FLAD1: variants seen among roughly 807,000 people sequenced by gnomAD.
FLAD1 encodes the protein bifunctional FAD diphosphatase/FAD synthase.
Under a neutral mutation model 55.0 loss-of-function variants are expected in FLAD1, and 35 were observed. That is an observed-to-expected ratio of 0.64 (90% CI 0.49 to 0.84). The LOEUF (loss-of-function observed/expected upper bound fraction) is 0.84, where lower values mean the gene tolerates loss of function less well. FLAD1 is among the 40% of genes least tolerant of loss of function. FLAD1 has a pLI of 0.00. For missense variants in FLAD1, 665 were observed against 742.6 expected (o/e 0.90, Z 1.21); for synonymous variants, 267 against 303.0 (o/e 0.88, Z 1.23).
chr1:154,992,950 G>C lies in FLAD1; in HGVS notation c.1677G>C (p.Leu559=). Residue 559 remains leucine (L), a synonymous_variant, in exon 7 of 7, where the codon CTG becomes CTC. Transcript: ENST00000292180. ...SRENTVRNPA[L]KCLSPGGHPT... ...AGAATACCGTGCGGAACCCGGCCCTGAAGTGCCTGAGCCCAGGAGGACACC... is the reference window on the plus strand; with the variant it reads ...AGAATACCGTGCGGAACCCGGCCCTCAAGTGCCTGAGCCCAGGAGGACACC... The C allele has an allele frequency of 1.9e-6, 3 of 1,614,026 alleles. No homozygotes were observed. The highest frequency in any genetic ancestry group is 2.5e-6 in the Non-Finnish European group (3 of 1,179,996).
chr1:154,992,519 G>T, intron 5 of FLAD1, 194 bp from the exon 6 acceptor site: 1 of 1,544,090 alleles, frequency 6.5e-7, no homozygotes. Flanking sequence ...ATGGAAAGCA[G>T]AGAGTGGAGA....
intron 1 of FLAD1, among the ~76,000 whole-genome samples, chr1:154,986,341 C>G (rs935758729): frequency 2.0e-5 from 3 of 152,068 alleles, no homozygotes; most frequent in Admixed American, 6.5e-5. Flanking sequence ...CTCAGCCTCC[C>G]GAGTAGCTGG....
chr1:154,983,860 C>T lies in FLAD1; in HGVS notation c.166C>T (p.Pro56Ser), dbSNP rs770864376. 2 of 1,614,142 alleles carry T rather than the reference C, an allele frequency of 1.2e-6. No individual in the cohort carries two copies. Among genetic ancestry groups the T allele is most frequent in the Non-Finnish European group, 1.7e-6 (2 of 1,179,994 alleles). ...TCTCCAGGTTCCCTCGACCCAGGAC[C>T]CCCTGTTCCCAGGCTATGGCCCCCA... ...WLLQVPSTQD[P>S]LFPGYGPQCP... The change falls in exon 1 of 7, where the codon CCC (proline) becomes TCC (serine). Residue 56 changes from proline to serine, a missense_variant. By Grantham distance (74) the Pro-to-Ser change is moderately conservative (BLOSUM62 -1). Coordinates refer to ENST00000292180, the MANE Select transcript of FLAD1 (RefSeq NM_025207.5).
In FLAD1 at chr1:154,983,552, A is replaced by T; in HGVS notation, c.-143A>T. On this transcript the variant is annotated 5_prime_UTR_variant, in exon 1 of 7. Transcript: ENST00000292180. ...AAAGGGCCAAGGCCCAGGATAAGGTAGACATTTAAAGGGGTACGGATGCCC... is the reference window on the plus strand; with the variant it reads ...AAAGGGCCAAGGCCCAGGATAAGGTTGACATTTAAAGGGGTACGGATGCCC... The T allele has an allele frequency of 1.3e-6, 1 of 791,254 alleles. No homozygotes were observed. 49.0% of individuals were successfully genotyped at this position (791,254 alleles called of 1,614,324 possible).
intron 1 of FLAD1, 189 bp from the exon 2 acceptor site, chr1:154,987,916 A>G (rs1657689302): frequency 6.9e-7 from 1 of 1,451,498 alleles, no homozygotes; most frequent in Non-Finnish European, 9.0e-7. Flanking sequence ...TGGGTGACAG[A>G]GACCCAGCTT....
rs776207931 is a variant in FLAD1, at chr1:154,983,901, G to A, written c.207G>A (p.Leu69=). Residue 69 remains leucine, a synonymous_variant, in exon 1 of 7, where the codon CTG becomes CTA. Coordinates refer to ENST00000292180, the MANE Select transcript of FLAD1 (RefSeq NM_025207.5). ...ATGGCCCCCAGTGCCCTGTAGACCT[G>A]GCAGGCCCCCCGTGCTTGCGACCCC... ...PGYGPQCPVD[L]AGPPCLRPLF... 21 of 1,612,610 alleles carry A rather than the reference G, an allele frequency of 1.3e-5. No individual in the cohort carries two copies. Among genetic ancestry groups the A allele is most frequent in the Non-Finnish European group, 1.8e-5 (21 of 1,179,264 alleles).
chr1:154,986,672 C>T (rs1657622259), intron 1 of FLAD1, among the ~76,000 whole-genome samples: 1 of 149,728 alleles, frequency 6.7e-6, no homozygotes, highest in African/African-American at 2.5e-5. Flanking sequence ...GATGGGATTA[C>T]AGGCATGAGC....
chr1:154,989,500 C>T, intron 2 of FLAD1, 60 bp from the exon 3 acceptor site: 2 of 1,442,464 alleles, frequency 1.4e-6, no homozygotes, highest in Non-Finnish European at 1.9e-6. Flanking sequence ...AGCATGCCTT[C>T]ACTCCCCTTT....
At position 154,983,471 on chromosome 1, in the gene FLAD1, A is replaced by G. The variant is rs1474917002; in HGVS notation, c.-224A>G. 2 of 474,592 alleles carry G rather than the reference A, an allele frequency of 4.2e-6. No individual in the cohort carries two copies. Among genetic ancestry groups the G allele is most frequent in the African/African-American group, 1.9e-5 (1 of 51,972 alleles). The allele number at this position is 474,592 out of a possible 1,614,324, so 29.4% of individuals were successfully genotyped here. ...GATTCTGGGCTAGAAAGGGTGCAGAAGCCTGAAGTAGAAAGAGACGGGATT... is the reference window on the plus strand; with the variant it reads ...GATTCTGGGCTAGAAAGGGTGCAGAGGCCTGAAGTAGAAAGAGACGGGATT... On this transcript the variant is annotated 5_prime_UTR_variant, in exon 1 of 7. Coordinates refer to ENST00000292180, the MANE Select transcript of FLAD1 (RefSeq NM_025207.5).
Position 154,990,784 on chromosome 1 carries a change from ATTAT to A in FLAD1, c.1554+265_1554+268del, listed in dbSNP as rs1365677213. 8 of 351,976 alleles carry A rather than the reference ATTAT, an allele frequency of 2.3e-5. No homozygotes were observed. The East Asian group carries it at 3.5e-4, about 16-fold the overall frequency. 21.8% of individuals were successfully genotyped at this position (351,976 alleles called of 1,614,324 possible). ...CTTGTGCTGTCCAATATAGCCATTA[ATTAT>A]TTATTTATACTTAAATTTTAATTAA... On this transcript the variant is annotated intron_variant, in intron 5 of 6. Transcript: ENST00000292180.
chr1:154,992,526 G>C, intron 5 of FLAD1, 187 bp from the exon 6 acceptor site: 2 of 1,567,762 alleles, frequency 1.3e-6, no homozygotes, highest in Non-Finnish European at 1.8e-6. Flanking sequence ...GCAGAGAGTG[G>C]AGAAGATGAA....
intron 1 of FLAD1, chr1:154,987,580 G>A (rs1328600387): frequency 4.2e-5 from 7 of 167,056 alleles, no homozygotes; most frequent in Admixed American, 4.1e-4. Flanking sequence ...GCCTGGCCAG[G>A]AAGCTGTCGC....
chr1:154,989,435 G>C, intron 2 of FLAD1, 125 bp from the exon 3 acceptor site: 12 of 1,043,394 alleles, frequency 1.2e-5, no homozygotes, highest in Middle Eastern at 2.3e-4. Flanking sequence ...GCATGAAGGA[G>C]TTTGGACTTT....
intron 5 of FLAD1, 28 bp downstream of exon 5, chr1:154,990,556 C>A: frequency 1.3e-6 from 2 of 1,556,954 alleles, no homozygotes; most frequent in Non-Finnish European, 1.7e-6. Flanking sequence ...TTATCACCTT[C>A]AGTCTCACGT....
chr1:154,988,479 A>T lies in FLAD1; in HGVS notation c.747A>T (p.Arg249=). Residue 249 remains arginine, a synonymous_variant, in exon 2 of 7, where the codon CGA becomes CGT. Transcript: ENST00000292180. ...TCAGATTCCCTCTGGTCTCCGTCCG[A>T]AACGTCTACCTCTTCCCAGGCATTC... is the stretch of plus-strand genomic sequence containing the variant. The part of the protein sequence containing the change: ...QPFRFPLVSV[R]NVYLFPGIPE... The T allele has an allele frequency of 6.2e-7, 1 of 1,614,236 alleles. No individual in the cohort carries two copies. The highest frequency in any genetic ancestry group is 1.1e-5 in the South Asian group (1 of 91,080).
chr1:154,992,142 C>CA (rs35484260), intron 5 of FLAD1, among the ~76,000 whole-genome samples: 2,616 of 68,810 alleles, frequency 0.038, 175 homozygotes, highest in African/African-American at 0.12. Flanking sequence ...GACTCCGTCT[C>CA]AAAAAAAAAA....
At chr1:154,989,320 C>T (rs1657760855) in intron 2 of FLAD1, among the ~76,000 whole-genome samples, 1 of 152,078 alleles carries the variant, frequency 6.6e-6, no homozygotes, top group Non-Finnish European at 1.5e-5. Context: ...AAGCCCACAC[C>T]CCACACCCCC....
At chr1:154,990,673 C>A in intron 5 of FLAD1, 145 bp downstream of exon 5, 1 of 747,980 alleles carries the variant, frequency 1.3e-6, no homozygotes, top group Non-Finnish European at 2.0e-6. Context: ...GCTATCTGTT[C>A]ATTCATCCTT....
At chr1:154,988,945 C>T (rs1390948776) in intron 2 of FLAD1, 96 bp downstream of exon 2, 1 of 1,569,556 alleles carries the variant, frequency 6.4e-7, no homozygotes, top group Non-Finnish European at 8.7e-7. Flanking sequence ...TCCTGCAAAT[C>T]CCTGAGAGGG....
Sources: allele counts gnomAD v4.1 joint callset (sites outside exome capture counted in the v4.1 genomes callset), GRCh38; gene constraint gnomAD v4.1.1; transcripts MANE v1.5; gene names NCBI Gene and HGNC (gene_info 2026-07-23, HGNC 2026-07-21).